Variants in VIPR2 observed in about 807,000 individuals in gnomAD.
The protein encoded by VIPR2 is vasoactive intestinal polypeptide receptor 2.
VIPR2 carries 48 observed loss-of-function variants against 58.0 expected under a neutral mutation model. The observed-to-expected ratio is 0.83, with a 90% CI of 0.66 to 1.05. The LOEUF (loss-of-function observed/expected upper bound fraction) is 1.05. VIPR2 is among the 50% of genes least tolerant of loss of function. The pLI is 0.00. For missense variants in VIPR2, 534 were observed against 558.0 expected, an observed-to-expected ratio of 0.96 and a Z score of 0.43; for synonymous variants, 243 against 235.2, an observed-to-expected ratio of 1.03 and a Z score of -0.30.
At chr7:159,136,173 A>G (rs1797215684) in intron 2 of VIPR2, among the ~76,000 whole-genome samples, 1 of 152,150 alleles carries the variant, frequency 6.6e-6, no homozygotes, top group African/African-American at 2.4e-5. Flanking sequence ...AGTGGCCACA[A>G]TGGCTTTCTT....
chr7:159,031,548 A>G lies in VIPR2; in HGVS notation c.1143+280T>C. 2.0e-6 allele frequency: 2 copies of G among 985,110 alleles called. No homozygotes were observed. Among genetic ancestry groups the G allele is most frequent in the Non-Finnish European group, 2.4e-6 (2 of 829,870 alleles). 61.0% of individuals were successfully genotyped at this position (985,110 alleles called of 1,614,324 possible). A position where few individuals can be genotyped will look rare whatever the true frequency, so the allele number is the denominator to read the frequency against. On this transcript the variant is annotated intron_variant, in intron 12 of 12. Coordinates refer to ENST00000262178, the MANE Select transcript of VIPR2 (RefSeq NM_003382.5). This position sits in a 1 kb window ranked among gnomAD's most constrained non-coding sequence, Gnocchi z 4.0. ...ATGGGGAAAAACAGATTCTGTCTAG[A>G]CCCGGCCGGGAGCTTTCCCGAGAGG...
chr7:159,114,534 C>T (rs1796159929), intron 2 of VIPR2, among the ~76,000 whole-genome samples: 1 of 152,098 alleles, frequency 6.6e-6, no homozygotes, highest in Admixed American at 6.5e-5. Flanking sequence ...TATCAATAGA[C>T]TCTGAAAAGT....
rs1427482384 is a variant in VIPR2, at chr7:159,031,534, CAG to C, written c.1143+292_1143+293del. 5 of 985,154 alleles carry C rather than the reference CAG, an allele frequency of 5.1e-6. No homozygotes were observed. In the African/African-American group the frequency reaches 7.0e-5, roughly 14 times the overall value. The allele number at this position is 985,154 out of a possible 1,614,324, so 61.0% of individuals were successfully genotyped here. A position where few individuals can be genotyped will look rare whatever the true frequency, so the allele number is the denominator to read the frequency against. ...GCGAGACGCCGACCATGGGGAAAAA[CAG>C]ATTCTGTCTAGACCCGGCCGGGAGC... On this transcript the variant is annotated intron_variant, in intron 12 of 12. Coordinates refer to ENST00000262178, the MANE Select transcript of VIPR2 (RefSeq NM_003382.5). This position sits in a 1 kb window ranked among gnomAD's most constrained non-coding sequence, Gnocchi z 4.0.
chr7:159,106,433 G>A (rs1019584049), intron 3 of VIPR2, among the ~76,000 whole-genome samples: 2 of 150,776 alleles, frequency 1.3e-5, no homozygotes, highest in African/African-American at 5.0e-5. Flanking sequence ...GAGAGGCCAG[G>A]GAGGGGCAGA....
At chr7:159,133,530 T>C (rs1308709122) in intron 2 of VIPR2, among the ~76,000 whole-genome samples, 2 of 152,382 alleles carry the variant, frequency 1.3e-5, no homozygotes, top group East Asian at 3.9e-4. Flanking sequence ...ACTTTGGCCA[T>C]CCGAACAGGT....
chr7:159,104,460 C>A (rs1249066217), intron 3 of VIPR2, among the ~76,000 whole-genome samples: 1 of 151,334 alleles, frequency 6.6e-6, no homozygotes, highest in East Asian at 2.0e-4. Context: ...TGGCCAGCAC[C>A]CTTGCCACTG....
intron 2 of VIPR2, among the ~76,000 whole-genome samples, chr7:159,113,056 G>C (rs117261086): frequency 0.015 from 2,346 of 152,328 alleles, 33 homozygotes; most frequent in Admixed American, 0.034. Context: ...AGTGGCTCTA[G>C]GAGTGAGAGA....
chr7:159,036,795 G>C lies in VIPR2; in HGVS notation c.705C>G (p.Leu235=). The part of the protein sequence containing the change: ...LYLHTLLVAM[L]PPRRCFLAYL... ...AGGCCAGGAAGCACCTTCTAGGGGG[G>C]AGCATGGCCACCAGGAGGGTGTGGA... The change falls in exon 7 of 13, where the codon CTC becomes CTG. Residue 235 remains leucine, a synonymous_variant. Coordinates refer to ENST00000262178, the MANE Select transcript of VIPR2 (RefSeq NM_003382.5). The C allele has an allele frequency of 6.2e-7, 1 of 1,613,946 alleles. No individual in the cohort carries two copies. Among genetic ancestry groups the C allele is most frequent in the Non-Finnish European group, 8.5e-7 (1 of 1,179,964 alleles).
chr7:159,040,098 C>T (rs951583289), intron 6 of VIPR2, among the ~76,000 whole-genome samples: 20 of 152,196 alleles, frequency 1.3e-4, no homozygotes, highest in African/African-American at 4.8e-4. Flanking sequence ...TTCCCATGTG[C>T]CCATTCACCA....
chr7:159,052,881 T>G (rs1308209524), intron 5 of VIPR2, among the ~76,000 whole-genome samples: 1 of 152,168 alleles, frequency 6.6e-6, no homozygotes, highest in Non-Finnish European at 1.5e-5. Context: ...GAAACTTAAT[T>G]TGGTAAAAGG....
intron 5 of VIPR2, among the ~76,000 whole-genome samples, chr7:159,055,617 G>A (rs138330558): frequency 6.8e-4 from 103 of 152,012 alleles, no homozygotes; most frequent in African/African-American, 2.3e-3. Context: ...CACCGGTGCC[G>A]TTTTGCTTCC....
chr7:159,101,996 A>C, intron 4 of VIPR2, among the ~76,000 whole-genome samples: 1 of 121,374 alleles, frequency 8.2e-6, no homozygotes, highest in East Asian at 2.5e-4. Context: ...GTAGTGAATG[A>C]GTCTCACGAG....
intron 4 of VIPR2, among the ~76,000 whole-genome samples, chr7:159,082,808 A>C (rs1284530952): frequency 2.0e-5 from 3 of 152,146 alleles, no homozygotes; most frequent in African/African-American, 7.2e-5. Context: ...GCAGACAGAC[A>C]AACAGACAGA....
In VIPR2 at chr7:159,093,010, G is replaced by C. The variant is rs1051437638; in HGVS notation, c.357+10747C>G. Among the ~76,000 whole-genome samples the C allele has an allele frequency of 6.6e-6, 1 of 152,090 alleles. No individual in the cohort carries two copies. The highest frequency in any genetic ancestry group is 1.5e-5 in the Non-Finnish European group (1 of 68,026). On this transcript the variant is annotated intron_variant, in intron 4 of 12. Transcript: ENST00000262178. This position sits in a 1 kb window ranked among gnomAD's most constrained non-coding sequence, Gnocchi z 6.7. ...GTGTGCAGCCTCTCCGGGGAGAGTG[G>C]GTGACCTGGGGGAGTCAAGGCAGGT...
At chr7:159,113,289 G>T (rs1187294462) in intron 2 of VIPR2, among the ~76,000 whole-genome samples, 1 of 150,582 alleles carries the variant, frequency 6.6e-6, no homozygotes, top group African/African-American at 2.5e-5. Flanking sequence ...GAAACTTCCC[G>T]GTCTGTTCTG....
intron 4 of VIPR2, among the ~76,000 whole-genome samples, chr7:159,081,966 C>T (rs1856927634): frequency 6.6e-6 from 1 of 152,162 alleles, no homozygotes; most frequent in Non-Finnish European, 1.5e-5. Context: ...CAGGAAACAA[C>T]AGGTGCTGGA....
rs555289135 is a variant in VIPR2 at position 159,029,887 on chromosome 7, C to G, written c.*729G>C. 2.6e-5 allele frequency: 4 copies of G among 152,488 alleles called. No individual in the cohort carries two copies. The highest frequency in any genetic ancestry group is 3.9e-4 in the East Asian group (2 of 5,160). The allele number at this position is 152,488 out of a possible 1,614,324, so 9.4% of individuals were successfully genotyped here. A position where few individuals can be genotyped will look rare whatever the true frequency, so the allele number is the denominator to read the frequency against. ...TGCCCTCCTGTTGATTTCTCCTGGT[C>G]CTAACGTCAGGGGGGCCCTGACTGG... On this transcript the variant is annotated 3_prime_UTR_variant, in exon 13 of 13. Transcript: ENST00000262178.
At chr7:159,066,394 G>C (rs148449483) in intron 4 of VIPR2, among the ~76,000 whole-genome samples, 1 of 142,916 alleles carries the variant, frequency 7.0e-6, no homozygotes, top group African/African-American at 2.7e-5. Context: ...TAGGATGCCT[G>C]CTCCTGCAGC....
rs2730285 is a variant in VIPR2, at chr7:159,087,194, T to C, written c.357+16563A>G. Among the ~76,000 whole-genome samples, 194 of 134,778 alleles carry C rather than the reference T, an allele frequency of 1.4e-3. 4 individuals carry two copies. The highest frequency in any genetic ancestry group is 4.7e-3 in the African/African-American group (164 of 35,092). 88.4% of individuals were successfully genotyped at this position (134,778 alleles called of 152,430 possible). ...TACCCAGGACTCGGATAGTGAGATA[T>C]GGCTTCCCCAACAAACAATACCCAG... On this transcript the variant is annotated intron_variant, in intron 4 of 12. Transcript: ENST00000262178.
Sources: allele counts gnomAD v4.1 joint callset (sites outside exome capture counted in the v4.1 genomes callset), GRCh38; gene constraint gnomAD v4.1.1; non-coding constraint Gnocchi (gnomAD v3.1); transcripts MANE v1.5; gene names NCBI Gene and HGNC (gene_info 2026-07-23, HGNC 2026-07-21).